AVEN: variants seen among roughly 807,000 people sequenced by gnomAD.
AVEN encodes cell death regulator Aven.
A neutral mutation model predicts 38.1 loss-of-function variants in AVEN; 41 were observed. The ratio of observed to expected loss-of-function variants is 1.08; its 90% CI spans 0.84 to 1.40. The LOEUF is 1.40. AVEN is among the 40% of genes most tolerant of loss of function. AVEN has a pLI of 0.00. For synonymous variants in AVEN, 206 were observed against 171.8 expected, an observed-to-expected ratio of 1.20 and a Z score of -1.56; for missense variants, 605 against 438.8, an observed-to-expected ratio of 1.38 and a Z score of -3.38.
chr15:34,043,121 C>A (rs1251445771), upstream of AVEN, among the ~76,000 whole-genome samples: 1 of 151,992 alleles, frequency 6.6e-6, no homozygotes, highest in African/African-American at 2.4e-5. Context: ...GTGACGGGCG[C>A]CTGTAGTCCC....
chr15:33,930,091 G>C (rs560257581), intron 2 of AVEN, among the ~76,000 whole-genome samples: 2 of 152,290 alleles, frequency 1.3e-5, no homozygotes, highest in African/African-American at 4.8e-5. Flanking sequence ...TTAGGAAACT[G>C]TTCTAGCATG....
intron 1 of AVEN, among the ~76,000 whole-genome samples, chr15:34,022,804 G>A (rs562348925): frequency 6.6e-6 from 1 of 152,322 alleles, no homozygotes; most frequent in African/African-American, 2.4e-5. Flanking sequence ...CTTCTGGCTG[G>A]AAGGATGAGA....
chr15:33,901,496 G>A (rs1892497445), intron 2 of AVEN, among the ~76,000 whole-genome samples: 2 of 152,156 alleles, frequency 1.3e-5, no homozygotes, highest in Non-Finnish European at 2.9e-5. Flanking sequence ...TTACAAGATG[G>A]CAATTTCAAT....
At chr15:33,937,084 T>C (rs1472332318) in intron 2 of AVEN, among the ~76,000 whole-genome samples, 1 of 126,180 alleles carries the variant, frequency 7.9e-6, no homozygotes, top group Non-Finnish European at 1.6e-5. Context: ...TGAGCCGAGA[T>C]CGCGCCACTG....
At chr15:33,919,456 A>G (rs1386371726) in intron 2 of AVEN, among the ~76,000 whole-genome samples, 1 of 152,212 alleles carries the variant, frequency 6.6e-6, no homozygotes, top group Non-Finnish European at 1.5e-5. Flanking sequence ...TGAAGGGCTT[A>G]TTAAAAGTAG....
chr15:33,868,425 G>C (rs536126188), intron 4 of AVEN, among the ~76,000 whole-genome samples: 20 of 151,628 alleles, frequency 1.3e-4, no homozygotes, highest in African/African-American at 4.3e-4. Context: ...AGAGTGTCTA[G>C]TCCCAGCTAC....
rs577954122 is a variant in AVEN, at chr15:34,037,653, C to T, written c.267+1127G>A. On this transcript the variant is annotated intron_variant, in intron 1 of 5. Coordinates refer to ENST00000306730, the MANE Select transcript of AVEN (RefSeq NM_020371.3). Reference sequence around the variant, plus strand: ...TTACCTTAGTTTCTGTCAGTTTACACGAGGTAAACTGACCCTAAAAATGTT... The same window carrying T: ...TTACCTTAGTTTCTGTCAGTTTACATGAGGTAAACTGACCCTAAAAATGTT... 5.9e-5 allele frequency among the ~76,000 whole-genome samples: 9 copies of T among 151,304 alleles called. No individual in the cohort carries two copies. The East Asian group carries it at 1.4e-3, about 23-fold the overall frequency.
chr15:34,028,133 G>C (rs1177989997), intron 1 of AVEN, among the ~76,000 whole-genome samples: 1 of 152,120 alleles, frequency 6.6e-6, no homozygotes, highest in Non-Finnish European at 1.5e-5. Context: ...GAGACTTCAT[G>C]CTTCAAGCCA....
intron 2 of AVEN, among the ~76,000 whole-genome samples, chr15:33,985,716 A>C (rs1439219451): frequency 6.6e-6 from 1 of 152,114 alleles, no homozygotes; most frequent in Non-Finnish European, 1.5e-5. Flanking sequence ...TTTGGTAAGT[A>C]AGTACCTATA....
chr15:34,001,032 T>C (rs990158085), intron 2 of AVEN, among the ~76,000 whole-genome samples: 1 of 151,522 alleles, frequency 6.6e-6, no homozygotes, highest in Non-Finnish European at 1.5e-5. Context: ...TTTTTTTTTT[T>C]TTTTTGAGAC....
intron 5 of AVEN, among the ~76,000 whole-genome samples, chr15:34,051,670 C>G (rs1567489503): frequency 6.6e-6 from 1 of 151,746 alleles, no homozygotes; most frequent in Non-Finnish European, 1.5e-5. Context: ...CACCATTGAC[C>G]CCACAGAAAT....
At chr15:33,935,484 ATG>A (rs1414447829) in intron 2 of AVEN, among the ~76,000 whole-genome samples, 1 of 22,320 alleles carries the variant, frequency 4.5e-5, no homozygotes, top group African/African-American at 6.4e-5. Flanking sequence ...TTGTGTATAT[ATG>A]TGTATATATA....
chr15:33,925,689 A>G (rs1454645780), intron 2 of AVEN, among the ~76,000 whole-genome samples: 1 of 152,230 alleles, frequency 6.6e-6, no homozygotes, highest in African/African-American at 2.4e-5. Context: ...AAAGAATTTT[A>G]TCCAACAAGG....
intron 2 of AVEN, among the ~76,000 whole-genome samples, chr15:33,977,830 T>C (rs1345450018): frequency 1.3e-5 from 2 of 151,910 alleles, no homozygotes; most frequent in South Asian, 2.1e-4. Context: ...TCTAACACTT[T>C]GGAGGCCAAG....
chr15:34,019,184 T>G (rs1178200927), intron 1 of AVEN, among the ~76,000 whole-genome samples: 1 of 152,236 alleles, frequency 6.6e-6, no homozygotes, highest in Non-Finnish European at 1.5e-5. Flanking sequence ...GCTTCACCGC[T>G]TACTATTGAT....
At chr15:33,853,082 A>G in the AVEN span, 1 of 1,598,706 alleles carries the variant, frequency 6.3e-7, no homozygotes, top group South Asian at 1.1e-5. Flanking sequence ...GTTTGTAAAG[A>G]GAAAGGTATG....
intron 2 of AVEN, among the ~76,000 whole-genome samples, chr15:33,974,015 T>C (rs1567442202): frequency 6.6e-6 from 1 of 152,154 alleles, no homozygotes; most frequent in Non-Finnish European, 1.5e-5. Flanking sequence ...AAATAATAGC[T>C]ATAAGGAGAT....
intron 1 of AVEN, among the ~76,000 whole-genome samples, chr15:34,007,478 T>C (rs1315492853): frequency 6.6e-6 from 1 of 152,160 alleles, no homozygotes; most frequent in Admixed American, 6.5e-5. Context: ...TCCATTAACA[T>C]GTTCCTCATT....
downstream of AVEN, chr15:33,864,296 G>C (rs563884703): frequency 1.4e-5 from 12 of 832,110 alleles, no homozygotes; most frequent in South Asian, 2.1e-4. Flanking sequence ...CATTAATCCC[G>C]TGAATGCATT....
Sources: allele counts gnomAD v4.1 joint callset (sites outside exome capture counted in the v4.1 genomes callset), GRCh38; gene constraint gnomAD v4.1.1; transcripts MANE v1.5; gene names NCBI Gene and HGNC (gene_info 2026-07-23, HGNC 2026-07-21).